The following C2CD5 variants were observed in gnomAD, a reference collection of about 807,000 sequenced individuals.
C2CD5 encodes the protein C2 calcium dependent domain containing 5.
C2CD5 carries 109 observed loss-of-function variants against 130.3 expected under a neutral mutation model. The ratio of observed to expected loss-of-function variants is 0.84; its 90% CI spans 0.72 to 0.98. The LOEUF (loss-of-function observed/expected upper bound fraction) is 0.98, where lower values mean the gene tolerates loss of function less well. Ranked by LOEUF, C2CD5 falls within the 50% of genes least tolerant of loss-of-function variation. C2CD5 has a pLI of 0.00. For missense variants in C2CD5, 996 were observed against 1,261.8 expected (o/e 0.79, Z 3.19); for synonymous variants, 454 against 429.2 (o/e 1.06, Z -0.71).
In C2CD5 at chr12:22,521,159, C is replaced by T. The variant is rs115468719; in HGVS notation, c.800+2267G>A. 5.0e-3 allele frequency among the ~76,000 whole-genome samples: 761 copies of T among 152,176 alleles called. 6 individuals are homozygous for T. The highest frequency in any genetic ancestry group is 0.017 in the African/African-American group (705 of 41,532). On this transcript the variant is annotated intron_variant, in intron 7 of 26. Transcript: ENST00000446597. The stretch of plus-strand genomic sequence containing the variant: ...TAAATACCAGAATAGTTATAATCAG[C>T]TGAATCATAAAATAGGCTTTGAAAT...
At chr12:22,456,813 G>A (rs533495944) in intron 25 of C2CD5, among the ~76,000 whole-genome samples, 158 bp downstream of exon 25, 7 of 152,022 alleles carry the variant, frequency 4.6e-5, no homozygotes, top group African/African-American at 1.2e-4. Context: ...GATAATCCTC[G>A]CTGCTAAATG....
chr12:22,489,316 G>GTA (rs570249488), intron 12 of C2CD5, among the ~76,000 whole-genome samples: 301 of 149,662 alleles, frequency 2.0e-3, no homozygotes, highest in African/African-American at 4.5e-3. Flanking sequence ...TTATATATGT[G>GTA]TATATATATA....
chr12:22,523,776 C>G (rs999144366), intron 6 of C2CD5, 152 bp from the exon 7 acceptor site: 5 of 616,924 alleles, frequency 8.1e-6, no homozygotes, highest in Non-Finnish European at 1.1e-5. Flanking sequence ...CTGGTTTAGC[C>G]TCTACAGAAT....
chr12:22,539,979 C>T (rs1026838021), intron 2 of C2CD5, among the ~76,000 whole-genome samples: 1 of 140,538 alleles, frequency 7.1e-6, no homozygotes, highest in Non-Finnish European at 1.5e-5. Context: ...GCAACAAGAG[C>T]GAAGCTCCGT....
rs759796956 is a variant in C2CD5 at position 22,506,730 on chromosome 12, C to CA, written c.1127dup (p.Leu376PhefsTer8). On this transcript the variant is annotated frameshift_variant, in exon 10 of 27. Transcript: ENST00000446597. LOFTEE classifies it high-confidence loss of function. ...ACATACCAGGATTGTGGATACGATC[C>CA]AAAAGCTTCACAGAACGTGCACTAA... 6.3e-7 allele frequency: 1 copy of CA among 1,593,800 alleles called. No individual in the cohort carries two copies. The highest frequency in any genetic ancestry group is 8.6e-7 in the Non-Finnish European group (1 of 1,161,686).
chr12:22,474,078 C>A (rs1389814474), intron 16 of C2CD5, among the ~76,000 whole-genome samples: 1 of 152,150 alleles, frequency 6.6e-6, no homozygotes, highest in Non-Finnish European at 1.5e-5. Flanking sequence ...CTACCACCAG[C>A]TTCCTGCTAC....
intron 13 of C2CD5, 72 bp from the exon 14 acceptor site, chr12:22,482,815 G>C: frequency 9.3e-7 from 1 of 1,073,784 alleles, no homozygotes; most frequent in Non-Finnish European, 1.4e-6. Context: ...TTTAAAACTT[G>C]CTAAAAGTGT....
chr12:22,469,419 A>C (rs16924973), intron 22 of C2CD5, among the ~76,000 whole-genome samples: 3,274 of 152,286 alleles, frequency 0.021, 115 homozygotes, highest in African/African-American at 0.074. Context: ...TCTATGTGTG[A>C]ATAGTTACAG....
intron 3 of C2CD5, among the ~76,000 whole-genome samples, chr12:22,532,330 C>CAAAG (rs534035725): frequency 7.6e-6 from 1 of 131,500 alleles, no homozygotes; most frequent in African/African-American, 2.8e-5. Flanking sequence ...AACTCCGTCT[C>CAAAG]AAAAAAAAAA....
At chr12:22,536,186 T>G (rs2137251958) in intron 2 of C2CD5, among the ~76,000 whole-genome samples, 1 of 151,566 alleles carries the variant, frequency 6.6e-6, no homozygotes, top group African/African-American at 2.4e-5. Context: ...TATATGTCTG[T>G]ATATGCGCAC....
Position 22,471,553 on chromosome 12 carries a change from T to A in C2CD5, c.2269-65A>T, listed in dbSNP as rs1042070543. ...TAAAAATTTTTAAAAGCTGATTTTT[T>A]TAATGTACATTATATTATAGCAAAT... On this transcript the variant is annotated intron_variant, in intron 19 of 26. Coordinates refer to ENST00000446597, the MANE Select transcript of C2CD5 (RefSeq NM_001286176.2). The A allele has an allele frequency of 5.8e-6, 5 of 856,736 alleles. No individual in the cohort carries two copies. In the African/African-American group the frequency reaches 7.0e-5, roughly 12 times the overall value. The allele number at this position is 856,736 out of a possible 1,614,324, so 53.1% of individuals were successfully genotyped here. A position where few individuals can be genotyped will look rare whatever the true frequency, so the allele number is the denominator to read the frequency against.
chr12:22,479,079 T>C (rs1944315459), intron 14 of C2CD5, among the ~76,000 whole-genome samples: 1 of 144,662 alleles, frequency 6.9e-6, no homozygotes, highest in South Asian at 2.2e-4. Context: ...TACCTCACAA[T>C]TTTTTTTTTT....
Position 22,517,889 on chromosome 12 carries a change from G to T in C2CD5, c.952+97C>A. 3 of 1,014,218 alleles carry T rather than the reference G, an allele frequency of 3.0e-6. No individual in the cohort carries two copies. In the South Asian group the frequency reaches 4.9e-5, roughly 17 times the overall value. The allele number at this position is 1,014,218 out of a possible 1,614,324, so 62.8% of individuals were successfully genotyped here. Reference sequence around the variant, plus strand: ...TTCACATTTTCTTTTTAACTTAAGTGCCAAAAACAAGAGGAAAGATTTGGA... The same window carrying T: ...TTCACATTTTCTTTTTAACTTAAGTTCCAAAAACAAGAGGAAAGATTTGGA... On this transcript the variant is annotated intron_variant, in intron 8 of 26. Transcript: ENST00000446597.
intron 10 of C2CD5, among the ~76,000 whole-genome samples, chr12:22,501,880 C>G (rs74772629): frequency 6.7e-4 from 102 of 152,006 alleles, no homozygotes; most frequent in South Asian, 4.1e-3. Flanking sequence ...AAATTCTGAG[C>G]CCCGTGGCGT....
chr12:22,482,894 G>C, intron 13 of C2CD5, 151 bp from the exon 14 acceptor site: 1 of 629,052 alleles, frequency 1.6e-6, no homozygotes, highest in South Asian at 2.0e-5. Flanking sequence ...TCTGCTTTTT[G>C]TCATTGTATA....
At chr12:22,470,721 C>T in intron 21 of C2CD5, 103 bp downstream of exon 21, 2 of 688,438 alleles carry the variant, frequency 2.9e-6, no homozygotes, top group South Asian at 3.8e-5. Context: ...AAATATTCTT[C>T]AAGAAATAAG....
chr12:22,472,188 T>G, intron 18 of C2CD5, 98 bp downstream of exon 18: 1 of 874,558 alleles, frequency 1.1e-6, no homozygotes, highest in Non-Finnish European at 1.8e-6. Flanking sequence ...GTATTTTAAT[T>G]GCAATAAGGA....
intron 10 of C2CD5, among the ~76,000 whole-genome samples, chr12:22,505,279 CAG>C (rs1466542102): frequency 8.7e-6 from 1 of 115,010 alleles, no homozygotes; most frequent in Non-Finnish European, 1.7e-5. Flanking sequence ...TTTTTTGAGA[CAG>C]AGTTTCGCTC....
intron 15 of C2CD5, among the ~76,000 whole-genome samples, chr12:22,475,854 G>A (rs1943764623): frequency 1.3e-5 from 2 of 152,078 alleles, no homozygotes; most frequent in African/African-American, 2.4e-5. Flanking sequence ...TAATTCAGAA[G>A]TAAATTAGTA....
Sources: allele counts gnomAD v4.1 joint callset (sites outside exome capture counted in the v4.1 genomes callset), GRCh38; gene constraint gnomAD v4.1.1; transcripts MANE v1.5; gene names NCBI Gene and HGNC (gene_info 2026-07-23, HGNC 2026-07-21).